FAM114A1: variants seen among roughly 807,000 people sequenced by gnomAD.
FAM114A1 encodes the protein family with sequence similarity 114 member A1.
A neutral mutation model predicts 64.3 loss-of-function variants in FAM114A1; 62 were observed. The observed-to-expected ratio is 0.96, with a 90% confidence interval of 0.79 to 1.19. The LOEUF is 1.19. Ranked by LOEUF, FAM114A1 falls within the 50% of genes most tolerant of loss-of-function variation. The probability of loss-of-function intolerance (pLI) is 0.00; values close to 1 mark genes in which losing one functional copy is unlikely to be tolerated. For synonymous variants in FAM114A1, 254 were observed against 251.1 expected, an observed-to-expected ratio of 1.01 and a Z score of -0.11; for missense variants, 645 against 676.3, an observed-to-expected ratio of 0.95 and a Z score of 0.51.
At chr4:38,935,118 T>A (rs1004557432) in intron 12 of FAM114A1, among the ~76,000 whole-genome samples, 11 of 152,170 alleles carry the variant, frequency 7.2e-5, no homozygotes, top group Admixed American at 2.0e-4. Context: ...GGTTTCACTA[T>A]GTTGGTCAGG....
At chr4:38,872,123 C>G (rs183442546) in intron 2 of FAM114A1, among the ~76,000 whole-genome samples, 1 of 152,222 alleles carries the variant, frequency 6.6e-6, no homozygotes, top group African/African-American at 2.4e-5. Flanking sequence ...ATTAGCATAC[C>G]CTGGAGTGCC....
At chr4:38,922,998 C>A in intron 9 of FAM114A1, 105 bp downstream of exon 9, 1 of 1,280,432 alleles carries the variant, frequency 7.8e-7, no homozygotes, top group Non-Finnish European at 1.1e-6. Flanking sequence ...AAGTGCTCCT[C>A]CTCCATGCTT....
intron 12 of FAM114A1, among the ~76,000 whole-genome samples, chr4:38,933,960 T>C (rs1720873200): frequency 6.6e-6 from 1 of 152,236 alleles, no homozygotes; most frequent in African/African-American, 2.4e-5. Context: ...TTTCCTCACT[T>C]GTAAAGATCC....
At chr4:38,911,557 AG>A (rs1718531306) in intron 7 of FAM114A1, among the ~76,000 whole-genome samples, 1 of 152,196 alleles carries the variant, frequency 6.6e-6, no homozygotes, top group Non-Finnish European at 1.5e-5. Context: ...GAGGCCTTGT[AG>A]GTAGTGAGGA....
rs1721822144 is a variant in FAM114A1, at chr4:38,944,542, GTTAGGAACCAGGCCACAC to G, written c.*986_*1003del. On this transcript the variant is annotated 3_prime_UTR_variant, in exon 15 of 15. Coordinates refer to ENST00000358869, the MANE Select transcript of FAM114A1 (RefSeq NM_138389.4). The stretch of plus-strand genomic sequence containing the variant: ...AGACCAGTACCAGTCCGTGGCACTG[GTTAGGAACCAGGCCACAC>G]AGCAGGGGGTGAGCGGTGGGTGAGT... 1 of 152,148 alleles carries G rather than the reference GTTAGGAACCAGGCCACAC, an allele frequency of 6.6e-6. No homozygotes were observed. The highest frequency in any genetic ancestry group is 6.6e-5 in the Admixed American group (1 of 15,254). 9.4% of individuals were successfully genotyped at this position (152,148 alleles called of 1,614,324 possible).
chr4:38,926,657 C>T (rs1560325944), intron 9 of FAM114A1, among the ~76,000 whole-genome samples: 1 of 151,882 alleles, frequency 6.6e-6, no homozygotes, highest in African/African-American at 2.4e-5. Context: ...GGTTTCACCA[C>T]GTTGGCCAGG....
At chr4:38,886,704 G>A (rs919516307) in intron 3 of FAM114A1, among the ~76,000 whole-genome samples, 19 of 151,534 alleles carry the variant, frequency 1.3e-4, no homozygotes, top group Non-Finnish European at 2.8e-4. Flanking sequence ...GAGGCGGGCA[G>A]ATCACCTGAG....
chr4:38,940,272 A>G (rs1463504106), intron 13 of FAM114A1, among the ~76,000 whole-genome samples: 1 of 152,042 alleles, frequency 6.6e-6, no homozygotes, highest in Non-Finnish European at 1.5e-5. Context: ...TCAAATGTGG[A>G]TCTGCAGACC....
chr4:38,894,162 CA>C lies in FAM114A1; in HGVS notation c.436+2358del, dbSNP rs60660305. 9.7e-3 allele frequency among the ~76,000 whole-genome samples: 781 copies of C among 80,332 alleles called. 3 individuals carry two copies. The highest frequency in any genetic ancestry group is 0.032 in the African/African-American group (631 of 19,762). 52.7% of individuals were successfully genotyped at this position (80,332 alleles called of 152,430 possible). On this transcript the variant is annotated intron_variant, in intron 4 of 14. Coordinates refer to ENST00000358869, the MANE Select transcript of FAM114A1 (RefSeq NM_138389.4). ...TGGGCAATAGAATGAGAGTATGTCT[CA>C]AAAAAAAAAAAAAAAAAAAAAAAAA...
chr4:38,902,688 G>A (rs115065313), intron 4 of FAM114A1, among the ~76,000 whole-genome samples: 2,408 of 152,222 alleles, frequency 0.016, 81 homozygotes, highest in African/African-American at 0.054. Context: ...GAACCATGGA[G>A]TTTAGAGGGG....
intron 7 of FAM114A1, among the ~76,000 whole-genome samples, chr4:38,913,993 G>A (rs1718802261): frequency 6.6e-6 from 1 of 151,824 alleles, no homozygotes; most frequent in Non-Finnish European, 1.5e-5. Flanking sequence ...CCAGCTACTC[G>A]GGAGGCTGAG....
In FAM114A1 at chr4:38,932,387, T is replaced by C. The variant is rs201324274; in HGVS notation, c.1463+13T>C. On this transcript the variant is annotated intron_variant, in intron 12 of 14. Coordinates refer to ENST00000358869, the MANE Select transcript of FAM114A1 (RefSeq NM_138389.4). ...AAGTTCTAATAAAGTAAGTAAATGT[T>C]ACTTTAAATTCTTATTTTCCCAGTT... 6.3e-7 allele frequency: 1 copy of C among 1,583,492 alleles called. No homozygotes were observed. The highest frequency in any genetic ancestry group is 1.4e-5 in the African/African-American group (1 of 72,960).
intron 8 of FAM114A1, among the ~76,000 whole-genome samples, chr4:38,917,265 G>A (rs964833385): frequency 1.3e-5 from 2 of 152,044 alleles, no homozygotes; most frequent in Admixed American, 1.3e-4. Context: ...CTGAACCTGG[G>A]AGGCAGAGGT....
Position 38,922,903 on chromosome 4 carries a change from A to G in FAM114A1, c.1069+10A>G, listed in dbSNP as rs752854676. ...AATCAAGAAGAACAAGGTAAAGGAA[A>G]ATAACTTAAATAGCAAGACAAACTG... is the stretch of plus-strand genomic sequence containing the variant. On this transcript the variant is annotated intron_variant, in intron 9 of 14. Coordinates refer to ENST00000358869, the MANE Select transcript of FAM114A1 (RefSeq NM_138389.4). 8.7e-6 allele frequency: 14 copies of G among 1,601,384 alleles called. No homozygotes were observed. The highest frequency in any genetic ancestry group is 1.1e-5 in the Non-Finnish European group (13 of 1,176,072).
chr4:38,905,687 A>G (rs1179810681), intron 5 of FAM114A1, 52 bp downstream of exon 5: 4 of 1,609,068 alleles, frequency 2.5e-6, no homozygotes, highest in Non-Finnish European at 3.4e-6. Context: ...CACCATGTGC[A>G]TAATCAGAGG....
Position 38,878,388 on chromosome 4 carries a change from C to A in FAM114A1, c.310C>A (p.Pro104Thr). The A allele has an allele frequency of 6.2e-7, 1 of 1,607,156 alleles. No homozygotes were observed. Among genetic ancestry groups the A allele is most frequent in the Non-Finnish European group, 8.5e-7 (1 of 1,176,228 alleles). ...TGATTCCGTCAGCCTTGAGGCAGAACCCAGATCCGAAATACCCCTGCAAGA... is the reference window on the plus strand; with the variant it reads ...TGATTCCGTCAGCCTTGAGGCAGAAACCAGATCCGAAATACCCCTGCAAGA... Reference protein sequence around the residue: ...CIDSVSLEAEPRSEIPLQEQN... With the variant: ...CIDSVSLEAETRSEIPLQEQN... The change falls in exon 3 of 15, where the codon CCC (proline) becomes ACC (threonine). Residue 104 changes from proline to threonine, a missense_variant. Physicochemically the swap from Pro to Thr is conservative, Grantham distance 38. Transcript: ENST00000358869.
intron 9 of FAM114A1, among the ~76,000 whole-genome samples, chr4:38,927,737 G>A (rs1462592745): frequency 6.6e-6 from 1 of 152,224 alleles, no homozygotes; most frequent in Non-Finnish European, 1.5e-5. Context: ...AGGCTAGAGT[G>A]CAGTGGCATG....
chr4:38,898,968 TATATATGTTATATATGTA>T (rs201349418), intron 4 of FAM114A1, among the ~76,000 whole-genome samples: 22,393 of 147,492 alleles, frequency 0.15, 2,215 homozygotes, highest in Middle Eastern at 0.35. Flanking sequence ...ATATATGTAA[TATATATGTTATATATGTA>T]ATATATGTTA....
rs535687731 is a variant in FAM114A1, at chr4:38,943,655, T to C, written c.*98T>C. On this transcript the variant is annotated 3_prime_UTR_variant, in exon 15 of 15. Coordinates refer to ENST00000358869, the MANE Select transcript of FAM114A1 (RefSeq NM_138389.4). ...TTCTCTGTGCGCCTGGCCACAGACA[T>C]CCATTTGAGGACACTACAAGCAATT... is the stretch of plus-strand genomic sequence containing the variant. 3.7e-5 allele frequency: 38 copies of C among 1,023,786 alleles called. No individual in the cohort carries two copies. The East Asian group carries it at 9.3e-4, about 25-fold the overall frequency. The allele number at this position is 1,023,786 out of a possible 1,614,324, so 63.4% of individuals were successfully genotyped here.
Sources: allele counts gnomAD v4.1 joint callset (sites outside exome capture counted in the v4.1 genomes callset), GRCh38; gene constraint gnomAD v4.1.1; transcripts MANE v1.5; gene names NCBI Gene and HGNC (gene_info 2026-07-23, HGNC 2026-07-21).